The following CLASP2 variants were observed in gnomAD, a reference collection of about 807,000 sequenced individuals.
CLASP2 encodes CLIP-associating protein 2.
A neutral mutation model predicts 194.4 loss-of-function variants in CLASP2; 47 were observed. The observed-to-expected ratio is 0.24, with a 90% CI of 0.19 to 0.31. CLASP2 has a LOEUF of 0.31. Among genes scored for constraint, CLASP2 ranks in the 10% least tolerant of loss-of-function variants. CLASP2 has a pLI of 1.00. For synonymous variants in CLASP2, 619 were observed against 633.5 expected (o/e 0.98, Z 0.34); for missense variants, 1,445 against 1,823.6 (o/e 0.79, Z 3.78).
chr3:33,653,140 C>T (rs2083503942), intron 7 of CLASP2, among the ~76,000 whole-genome samples: 2 of 152,148 alleles, frequency 1.3e-5, no homozygotes, highest in Non-Finnish European at 2.9e-5. Context: ...AGGCTGATAA[C>T]ACCTAAACCC....
chr3:33,699,417 C>T (rs2092209129), intron 1 of CLASP2, among the ~76,000 whole-genome samples: 1 of 151,984 alleles, frequency 6.6e-6, no homozygotes, highest in Non-Finnish European at 1.5e-5. Context: ...AAGACACATC[C>T]TATTCAAACT....
At chr3:33,588,325 T>C (rs1177933644) in intron 21 of CLASP2, among the ~76,000 whole-genome samples, 3 of 152,208 alleles carry the variant, frequency 2.0e-5, no homozygotes, top group Non-Finnish European at 4.4e-5. Context: ...AAAAGTGTCA[T>C]GATGTATCCA....
At position 33,543,614 on chromosome 3, in the gene CLASP2, C is replaced by T. The variant is rs1576199176; in HGVS notation, c.3298-75G>A. ...TAAAAAAACTCTTAAGGAAGCCACACAAACATTAGGTTGAACCATATTAAA... is the reference window on the plus strand; with the variant it reads ...TAAAAAAACTCTTAAGGAAGCCACATAAACATTAGGTTGAACCATATTAAA... On this transcript the variant is annotated intron_variant, in intron 31 of 38. Coordinates refer to ENST00000682230, the MANE Select transcript of CLASP2 (RefSeq NM_001365631.1). The T allele has an allele frequency of 3.5e-6, 3 of 856,448 alleles. No individual in the cohort carries two copies. In the East Asian group the frequency reaches 7.3e-5, roughly 21 times the overall value. 53.1% of individuals were successfully genotyped at this position (856,448 alleles called of 1,614,324 possible). A position where few individuals can be genotyped will look rare whatever the true frequency, so the allele number is the denominator to read the frequency against.
intron 1 of CLASP2, among the ~76,000 whole-genome samples, chr3:33,705,292 G>C (rs978948552): frequency 6.6e-6 from 1 of 152,148 alleles, no homozygotes; most frequent in African/African-American, 2.4e-5. Context: ...CTAGTCACAA[G>C]AGGCTACATG....
Position 33,497,703 on chromosome 3 carries a change from T to G in CLASP2, c.*928A>C, listed in dbSNP as rs925166168. 1.3e-5 allele frequency: 2 copies of G among 152,614 alleles called. No homozygotes were observed. The highest frequency in any genetic ancestry group is 1.3e-4 in the Admixed American group (2 of 15,276). 9.5% of individuals were successfully genotyped at this position (152,614 alleles called of 1,614,324 possible). On this transcript the variant is annotated 3_prime_UTR_variant, in exon 39 of 39. Transcript: ENST00000682230. The stretch of plus-strand genomic sequence containing the variant: ...GCTGGTCACTCCCATGTCTCGATAA[T>G]TTGTTTATTACGTGAGAAACAGAAG...
At chr3:33,655,741 T>A (rs942730961) in intron 7 of CLASP2, among the ~76,000 whole-genome samples, 7 of 152,048 alleles carry the variant, frequency 4.6e-5, no homozygotes, top group African/African-American at 1.2e-4. Flanking sequence ...AAATCAAGTT[T>A]TATATATATA....
intron 37 of CLASP2, among the ~76,000 whole-genome samples, chr3:33,507,506 G>A (rs1400367488): frequency 3.3e-5 from 5 of 152,074 alleles, no homozygotes. Context: ...TTTGGAGACA[G>A]GATCTTGCTC....
chr3:33,597,324 T>G (rs993544176), intron 18 of CLASP2, among the ~76,000 whole-genome samples: 2 of 152,234 alleles, frequency 1.3e-5, no homozygotes, highest in African/African-American at 4.8e-5. Flanking sequence ...GAAACTGGAA[T>G]AAATATCTGA....
At chr3:33,662,325 C>T (rs1007436195) in intron 7 of CLASP2, among the ~76,000 whole-genome samples, 1 of 152,152 alleles carries the variant, frequency 6.6e-6, no homozygotes, top group Admixed American at 6.5e-5. Flanking sequence ...TGAAAACACA[C>T]AAGTTCAAGC....
At chr3:33,667,881 TA>T in intron 6 of CLASP2, among the ~76,000 whole-genome samples, 1 of 152,198 alleles carries the variant, frequency 6.6e-6, no homozygotes. Flanking sequence ...ACTTACTTTT[TA>T]AAAAATATTT....
chr3:33,601,624 G>T (rs2072232473), intron 18 of CLASP2, among the ~76,000 whole-genome samples: 1 of 151,938 alleles, frequency 6.6e-6, no homozygotes, highest in African/African-American at 2.4e-5. Flanking sequence ...AGGAATTCCT[G>T]TCTCAACCTG....
intron 1 of CLASP2, among the ~76,000 whole-genome samples, chr3:33,713,379 A>T (rs2093130286): frequency 1.3e-5 from 2 of 152,174 alleles, no homozygotes. Context: ...AAGGTGACAA[A>T]AAGGACAATG....
chr3:33,683,592 A>C, intron 6 of CLASP2: 1 of 152,364 alleles, frequency 6.6e-6, no homozygotes, highest in Non-Finnish European at 1.5e-5. Flanking sequence ...TAGGCAACAG[A>C]GCCAGACCCT....
At chr3:33,625,318 C>A (rs1412620874) in intron 10 of CLASP2, among the ~76,000 whole-genome samples, 1 of 151,654 alleles carries the variant, frequency 6.6e-6, no homozygotes, top group Non-Finnish European at 1.5e-5. Context: ...TGCACATGTA[C>A]CCTAGAACTT....
intron 34 of CLASP2, among the ~76,000 whole-genome samples, chr3:33,527,868 C>A (rs1384841992): frequency 6.6e-6 from 1 of 152,062 alleles, no homozygotes; most frequent in Non-Finnish European, 1.5e-5. Context: ...GAGGCTGAGG[C>A]AGGAGAATTA....
At chr3:33,523,395 C>A (rs575392585) in intron 34 of CLASP2, among the ~76,000 whole-genome samples, 4 of 152,212 alleles carry the variant, frequency 2.6e-5, no homozygotes, top group South Asian at 4.1e-4. Context: ...AAGGCAAAGA[C>A]AGAATCTTGC....
chr3:33,673,269 G>A lies in CLASP2; in HGVS notation c.645-9754C>T, dbSNP rs574348843. Among the ~76,000 whole-genome samples the A allele has an allele frequency of 8.5e-3, 1,298 of 152,352 alleles. 21 individuals are homozygous for A. The highest frequency in any genetic ancestry group is 0.028 in the African/African-American group (1,175 of 41,576). ...TCGGCAGAAACTCTACAAGCCAGAA[G>A]AGAGTGGGGGCCAATATTCAACATT... On this transcript the variant is annotated intron_variant, in intron 6 of 38. Coordinates refer to ENST00000682230, the MANE Select transcript of CLASP2 (RefSeq NM_001365631.1).
At chr3:33,598,705 A>G (rs2071180924) in intron 18 of CLASP2, among the ~76,000 whole-genome samples, 1 of 152,168 alleles carries the variant, frequency 6.6e-6, no homozygotes, top group Admixed American at 6.5e-5. Context: ...ATTTACACAG[A>G]TTCTCTTTCC....
At chr3:33,713,038 AAG>A (rs1232695344) in intron 1 of CLASP2, among the ~76,000 whole-genome samples, 3 of 145,082 alleles carry the variant, frequency 2.1e-5, no homozygotes, top group East Asian at 2.0e-4. Flanking sequence ...AAAAAAAAAA[AAG>A]AAAGTGTGAA....
Sources: gnomAD v4.1 joint callset for allele counts (sites outside exome capture counted in the v4.1 genomes callset) on GRCh38, gnomAD v4.1.1 for gene constraint, MANE v1.5 for transcripts, NCBI Gene and HGNC (gene_info 2026-07-23, HGNC 2026-07-21) for gene names.